VPS13D: variants seen among roughly 807,000 people sequenced by gnomAD.
The protein encoded by VPS13D is intermembrane lipid transfer protein VPS13D.
Under a neutral mutation model 461.9 loss-of-function variants are expected in VPS13D, and 187 were observed. That is an observed-to-expected ratio of 0.40 (90% CI 0.36 to 0.46). The LOEUF (loss-of-function observed/expected upper bound fraction) is 0.46, where lower values mean the gene tolerates loss of function less well. Ranked by LOEUF, VPS13D falls within the 20% of genes least tolerant of loss-of-function variation. The probability of loss-of-function intolerance (pLI) is 0.60; values close to 1 mark genes in which losing one functional copy is unlikely to be tolerated. For missense variants in VPS13D, 4,711 were observed against 5,364.9 expected (o/e 0.88, Z 3.81); for synonymous variants, 1,951 against 1,986.3 (o/e 0.98, Z 0.47).
chr1:12,449,394 CTT>C (rs747205619), intron 65 of VPS13D, among the ~76,000 whole-genome samples: 22 of 143,970 alleles, frequency 1.5e-4, no homozygotes, highest in Non-Finnish European at 2.0e-4. Context: ...TGTTCCGTGC[CTT>C]TTTTTTTTTT....
intron 39 of VPS13D, chr1:12,337,287 A>G (rs1190492008): frequency 1.3e-5 from 2 of 152,244 alleles, no homozygotes; most frequent in Non-Finnish European, 2.9e-5. Flanking sequence ...GTAGTACAGT[A>G]CATTCCAGGA....
intron 54 of VPS13D, among the ~76,000 whole-genome samples, chr1:12,371,613 G>C (rs1003693961): frequency 2.0e-5 from 3 of 151,870 alleles, no homozygotes; most frequent in Non-Finnish European, 2.9e-5. Context: ...GGCTGGTCTC[G>C]AACTCCTGAC....
chr1:12,358,324 A>C, intron 49 of VPS13D, 135 bp from the exon 50 acceptor site: 1 of 1,204,898 alleles, frequency 8.3e-7, no homozygotes, highest in Non-Finnish European at 1.1e-6. Context: ...CTAGGGAATC[A>C]CATGAGAGTG....
chr1:12,497,949 C>T (rs2100543959), intron 68 of VPS13D, among the ~76,000 whole-genome samples: 1 of 152,234 alleles, frequency 6.6e-6, no homozygotes, highest in African/African-American at 2.4e-5. Context: ...GGTTTTTCTC[C>T]TGTAAAAATT....
chr1:12,311,867 A>C lies in VPS13D; in HGVS notation c.6877A>C (p.Asn2293His). The change falls in exon 29 of 70, where the codon AAT (asparagine) becomes CAT (histidine). Residue 2293 changes from asparagine (N) to histidine (H), a missense_variant. This residue lies in a region of VPS13D where 4,411 missense variants were observed against 4,937.8 expected (regional missense o/e 0.89). Transcript: ENST00000620676. ...TCMCFLIDMV[N>H]VSLELKDPKR... ...TATGTGCTTCCTCATTGATATGGTG[A>C]ATGTAAGTCTGGAGCTTAAAGATCC... is the stretch of plus-strand genomic sequence containing the variant. 1 of 1,614,128 alleles carries C rather than the reference A, an allele frequency of 6.2e-7. No individual in the cohort carries two copies. Among genetic ancestry groups the C allele is most frequent in the Non-Finnish European group, 8.5e-7 (1 of 1,180,002 alleles).
intron 52 of VPS13D, among the ~76,000 whole-genome samples, chr1:12,366,733 T>C (rs1043546267): frequency 6.6e-6 from 1 of 152,210 alleles, no homozygotes; most frequent in South Asian, 2.1e-4. Context: ...ATTTAAACTA[T>C]AGGAAAGTTA....
chr1:12,352,996 A>AAAAAAAT (rs1643831436), intron 46 of VPS13D, among the ~76,000 whole-genome samples: 1 of 147,430 alleles, frequency 6.8e-6, no homozygotes, highest in Non-Finnish European at 1.5e-5. Flanking sequence ...AAAAAAAAAA[A>AAAAAAAT]GGACCCAGCA....
At chr1:12,412,143 CATT>C (rs767700884) in intron 63 of VPS13D, among the ~76,000 whole-genome samples, 4 of 152,214 alleles carry the variant, frequency 2.6e-5, no homozygotes, top group Non-Finnish European at 5.9e-5. Flanking sequence ...AACAATTAAA[CATT>C]ATTGTGAAAA....
chr1:12,253,488 G>T (rs545905137), intron 6 of VPS13D, among the ~76,000 whole-genome samples: 2 of 152,278 alleles, frequency 1.3e-5, no homozygotes, highest in East Asian at 3.9e-4. Flanking sequence ...GCATCGTATA[G>T]ATTCTTCTTC....
intron 65 of VPS13D, among the ~76,000 whole-genome samples, chr1:12,426,649 A>G (rs989354808): frequency 6.6e-6 from 1 of 152,138 alleles, no homozygotes; most frequent in South Asian, 2.1e-4. Flanking sequence ...TCAGATGCTT[A>G]GTGACACCAT....
intron 63 of VPS13D, among the ~76,000 whole-genome samples, chr1:12,413,443 A>G (rs1384782409): frequency 1.3e-5 from 2 of 152,146 alleles, no homozygotes; most frequent in African/African-American, 2.4e-5. Flanking sequence ...ACTGTACTCC[A>G]GCCTGGGCAA....
At chr1:12,485,384 G>A (rs1233943566) in intron 67 of VPS13D, among the ~76,000 whole-genome samples, 1 of 152,234 alleles carries the variant, frequency 6.6e-6, no homozygotes, top group Non-Finnish European at 1.5e-5. Flanking sequence ...CTGTACCTTA[G>A]GTTGCCAGCT....
intron 35 of VPS13D, among the ~76,000 whole-genome samples, chr1:12,326,321 A>ATTT (rs763042688): frequency 4.9e-4 from 24 of 49,266 alleles, no homozygotes; most frequent in Admixed American, 1.2e-3. Flanking sequence ...AACCTTTTGG[A>ATTT]TTTTTTTTTT....
intron 65 of VPS13D, among the ~76,000 whole-genome samples, chr1:12,447,307 T>C (rs916445422): frequency 2.0e-5 from 3 of 152,228 alleles, no homozygotes; most frequent in African/African-American, 7.2e-5. Context: ...ACATAGATAC[T>C]TAGCAGACTT....
intron 20 of VPS13D, among the ~76,000 whole-genome samples, chr1:12,280,614 TG>T (rs1454930229): frequency 3.3e-5 from 5 of 151,778 alleles, no homozygotes; most frequent in Admixed American, 2.6e-4. Flanking sequence ...TTCAGCCTCC[TG>T]GGTAGCTGTG....
At chr1:12,237,010 G>A (rs1003270576) in intron 2 of VPS13D, among the ~76,000 whole-genome samples, 2 of 152,068 alleles carry the variant, frequency 1.3e-5, no homozygotes, top group African/African-American at 4.8e-5. Flanking sequence ...ATGATCATCA[G>A]TGTATGATTG....
intron 65 of VPS13D, among the ~76,000 whole-genome samples, chr1:12,427,332 T>C (rs1644936156): frequency 6.6e-6 from 1 of 151,096 alleles, no homozygotes; most frequent in Non-Finnish European, 1.5e-5. Context: ...TGGAAGTAAA[T>C]AATTTTGCTC....
chr1:12,451,026 C>T (rs1645256203), intron 65 of VPS13D, among the ~76,000 whole-genome samples: 1 of 152,148 alleles, frequency 6.6e-6, no homozygotes, highest in Non-Finnish European at 1.5e-5. Flanking sequence ...AATTCAAGCC[C>T]CAGCTCCTGT....
chr1:12,335,008 T>G (rs1281490609), intron 38 of VPS13D, among the ~76,000 whole-genome samples: 1 of 152,234 alleles, frequency 6.6e-6, no homozygotes, highest in Non-Finnish European at 1.5e-5. Flanking sequence ...GATCTTCATC[T>G]AGGTGTGGTG....
Sources: gnomAD v4.1 joint callset for allele counts (sites outside exome capture counted in the v4.1 genomes callset) on GRCh38, gnomAD v4.1.1 for gene constraint, gnomAD v4.1.1 regional missense constraint, MANE v1.5 for transcripts, NCBI Gene and HGNC (gene_info 2026-07-23, HGNC 2026-07-21) for gene names.